The following MYO1B variants were observed in gnomAD, a reference collection of about 807,000 sequenced individuals.
The protein encoded by MYO1B is myosin IB, also known as unconventional myosin-Ib.
Under a neutral mutation model 159.7 loss-of-function variants are expected in MYO1B, and 72 were observed. That is an observed-to-expected ratio of 0.45 (90% CI 0.37 to 0.55). The LOEUF (loss-of-function observed/expected upper bound fraction) is 0.55, where lower values mean the gene tolerates loss of function less well. Among genes scored for constraint, MYO1B ranks in the 20% least tolerant of loss-of-function variants. MYO1B has a pLI of 0.00. For missense variants in MYO1B, 1,062 were observed against 1,364.8 expected, an observed-to-expected ratio of 0.78 and a Z score of 3.50; for synonymous variants, 468 against 473.8, an observed-to-expected ratio of 0.99 and a Z score of 0.16.
intron 13 of MYO1B, 123 bp downstream of exon 13, chr2:191,370,415 A>G: frequency 1.4e-6 from 1 of 695,788 alleles, no homozygotes; most frequent in East Asian, 2.8e-5. Context: ...CCTTGTGTAG[A>G]TGTAACACAC....
intron 13 of MYO1B, among the ~76,000 whole-genome samples, chr2:191,375,502 TA>T (rs1694645635): frequency 1.3e-5 from 2 of 151,924 alleles, no homozygotes; most frequent in African/African-American, 4.8e-5. Flanking sequence ...GATAGATAGA[TA>T]GATAGATAGA....
chr2:191,250,946 TGTTGTC>T (rs760294323), intron 1 of MYO1B, among the ~76,000 whole-genome samples: 1 of 152,218 alleles, frequency 6.6e-6, no homozygotes, highest in African/African-American at 2.4e-5. Context: ...AGAGCCCAGC[TGTTGTC>T]CCTCTCCTTC....
intron 24 of MYO1B, among the ~76,000 whole-genome samples, chr2:191,407,482 G>C (rs548907527): frequency 1.6e-4 from 25 of 152,188 alleles, no homozygotes; most frequent in Admixed American, 1.6e-3. Context: ...TTAGACATTA[G>C]TATATGAAGT....
At chr2:191,373,043 G>A (rs1283484160) in intron 13 of MYO1B, among the ~76,000 whole-genome samples, 2 of 151,746 alleles carry the variant, frequency 1.3e-5, no homozygotes, top group Non-Finnish European at 2.9e-5. Flanking sequence ...GTAGAGACAG[G>A]GTTTCACCAT....
At position 191,399,482 on chromosome 2, in the gene MYO1B, G is replaced by T. The variant is rs142708980; in HGVS notation, c.2296-900G>T. ...GTAGCGATAGACTGTGTGACCTTCA[G>T]AGCCAAAAGCAGTTACCATCTGGCA... On this transcript the variant is annotated intron_variant, in intron 21 of 30. Coordinates refer to ENST00000392318, the MANE Select transcript of MYO1B (RefSeq NM_001130158.3). Among the ~76,000 whole-genome samples the T allele has an allele frequency of 3.9e-5, 6 of 152,318 alleles. No individual in the cohort carries two copies. The East Asian group carries it at 1.2e-3, about 29-fold the overall frequency.
chr2:191,384,938 G>T (rs1192083941), intron 15 of MYO1B, among the ~76,000 whole-genome samples: 1 of 152,182 alleles, frequency 6.6e-6, no homozygotes, highest in East Asian at 1.9e-4. Flanking sequence ...CTTGATTCCT[G>T]AGAGTCCACG....
chr2:191,255,391 G>A (rs1009988595), intron 1 of MYO1B, among the ~76,000 whole-genome samples: 3 of 152,212 alleles, frequency 2.0e-5, no homozygotes, highest in Non-Finnish European at 4.4e-5. Flanking sequence ...ACAGAAAGGC[G>A]GAGAGAGGGA....
At position 191,247,185 on chromosome 2, in the gene MYO1B, C is replaced by A. The variant is rs148208835; in HGVS notation, c.-10+1559C>A. ...TTCCCAAAGTCGGACTGAAGGTTAG[C>A]ATTACTGTGGTGATAATTTAGGAGA... On this transcript the variant is annotated intron_variant, in intron 1 of 30. Transcript: ENST00000392318. Among the ~76,000 whole-genome samples, 96 of 152,270 alleles carry A rather than the reference C, an allele frequency of 6.3e-4. 1 individual carries two copies. The East Asian group carries it at 0.011, about 17-fold the overall frequency.
chr2:191,371,310 A>C (rs1017265339), intron 13 of MYO1B, among the ~76,000 whole-genome samples: 1 of 152,168 alleles, frequency 6.6e-6, no homozygotes, highest in Non-Finnish European at 1.5e-5. Context: ...AAAACATCAG[A>C]TCATTCCTTT....
chr2:191,357,356 C>T (rs1052462179), intron 7 of MYO1B, among the ~76,000 whole-genome samples: 11 of 152,006 alleles, frequency 7.2e-5, no homozygotes, highest in South Asian at 2.1e-4. Flanking sequence ...GGCTCCGTGT[C>T]GATAGTCGGG....
intron 3 of MYO1B, among the ~76,000 whole-genome samples, chr2:191,297,087 AC>A (rs753395138): frequency 9.8e-5 from 15 of 152,356 alleles, no homozygotes; most frequent in Non-Finnish European, 1.8e-4. Flanking sequence ...TTCTTATGTT[AC>A]ATTTACTGAT....
rs528491361 is a variant in MYO1B at position 191,381,452 on chromosome 2, C to G, written c.1186-10C>G. ...GGTTTATAAAGCTGTTTTTCATTTT[C>G]TCCATACAGGACAACAGCTTTGAGC... On this transcript the variant is annotated splice_polypyrimidine_tract_variant and intron_variant, in intron 13 of 30. Coordinates refer to ENST00000392318, the MANE Select transcript of MYO1B (RefSeq NM_001130158.3). 6.2e-7 allele frequency: 1 copy of G among 1,602,718 alleles called. No homozygotes were observed. Among genetic ancestry groups the G allele is most frequent in the South Asian group, 1.1e-5 (1 of 90,774 alleles).
At chr2:191,300,471 G>A (rs939809558) in intron 3 of MYO1B, among the ~76,000 whole-genome samples, 2 of 151,340 alleles carry the variant, frequency 1.3e-5, no homozygotes, top group African/African-American at 4.9e-5. Context: ...AGCCTCCCAA[G>A]TAGCTGGGAC....
Position 191,407,897 on chromosome 2 carries a change from C to T in MYO1B, c.2557-218C>T, listed in dbSNP as rs112321228. ...CAAAAACTACTAAGAGGATTTAAAA[C>T]ATCAATTCATGCTGGTTTCATCATT... On this transcript the variant is annotated intron_variant, in intron 24 of 30. Transcript: ENST00000392318. 2.0e-3 allele frequency: 711 copies of T among 364,552 alleles called. 2 individuals carry two copies. The highest frequency in any genetic ancestry group is 0.014 in the African/African-American group (671 of 47,884). 22.6% of individuals were successfully genotyped at this position (364,552 alleles called of 1,614,324 possible). A position where few individuals can be genotyped will look rare whatever the true frequency, so the allele number is the denominator to read the frequency against.
chr2:191,402,441 G>T, intron 23 of MYO1B, 191 bp from the exon 24 acceptor site: 1 of 587,360 alleles, frequency 1.7e-6, no homozygotes, highest in South Asian at 2.0e-5. Context: ...GAATCTCAGT[G>T]CACTGAAAAT....
At chr2:191,248,162 A>T (rs189859511) in intron 1 of MYO1B, among the ~76,000 whole-genome samples, 6 of 152,342 alleles carry the variant, frequency 3.9e-5, no homozygotes, top group Admixed American at 3.9e-4. Flanking sequence ...CCTAACAATA[A>T]TTATAGCTAT....
chr2:191,386,564 A>C (rs1351913855), intron 16 of MYO1B, among the ~76,000 whole-genome samples: 1 of 152,176 alleles, frequency 6.6e-6, no homozygotes, highest in African/African-American at 2.4e-5. Flanking sequence ...TTTTATGTCT[A>C]ATATATAAAG....
intron 3 of MYO1B, among the ~76,000 whole-genome samples, chr2:191,326,176 A>G (rs913094360): frequency 1.3e-5 from 2 of 152,256 alleles, no homozygotes; most frequent in Non-Finnish European, 2.9e-5. Flanking sequence ...AATGTGAAGC[A>G]TATGGGTCAC....
At chr2:191,420,480 C>T (rs1474384170) in intron 30 of MYO1B, among the ~76,000 whole-genome samples, 1 of 152,132 alleles carries the variant, frequency 6.6e-6, no homozygotes, top group African/African-American at 2.4e-5. Flanking sequence ...CTTTTCTATT[C>T]TTACTAAGTT....
Sources: gnomAD v4.1 joint callset for allele counts (sites outside exome capture counted in the v4.1 genomes callset) on GRCh38, gnomAD v4.1.1 for gene constraint, MANE v1.5 for transcripts, NCBI Gene and HGNC (gene_info 2026-07-23, HGNC 2026-07-21) for gene names.